The following NXNL2 variants were observed in gnomAD, a reference collection of about 807,000 sequenced individuals.
NXNL2 encodes nucleoredoxin like 2.
In NXNL2, 7 loss-of-function variants were observed where a neutral mutation model predicts 11.1. That is an observed-to-expected ratio of 0.63 (90% CI 0.36 to 1.18). NXNL2 has a LOEUF of 1.18. Among genes scored for constraint, NXNL2 ranks in the 50% most tolerant of loss-of-function variants. NXNL2 has a pLI of 0.02. For missense variants in NXNL2, 233 were observed against 217.7 expected (o/e 1.07, Z -0.44); for synonymous variants, 109 against 101.8 (o/e 1.07, Z -0.42).
chr9:88,549,142 C>T (rs907976770), downstream of NXNL2, among the ~76,000 whole-genome samples: 3 of 152,226 alleles, frequency 2.0e-5, no homozygotes, highest in Non-Finnish European at 2.9e-5. Flanking sequence ...CTGAACCCTC[C>T]ACTGGCTATC....
intron 2 of NXNL2, among the ~76,000 whole-genome samples, chr9:88,571,863 C>A (rs1830271102): frequency 6.6e-6 from 1 of 152,104 alleles, no homozygotes; most frequent in Non-Finnish European, 1.5e-5. Context: ...CCACCGGAGA[C>A]CTTCAGCCAG....
intron 1 of NXNL2, among the ~76,000 whole-genome samples, chr9:88,565,827 G>A (rs985787678): frequency 2.0e-5 from 3 of 152,102 alleles, no homozygotes; most frequent in East Asian, 1.9e-4. Context: ...ATGAGCCACC[G>A]TGCCCAGCCA....
At chr9:88,537,402 C>T (rs1288688788) in intron 1 of NXNL2, among the ~76,000 whole-genome samples, 1 of 152,198 alleles carries the variant, frequency 6.6e-6, no homozygotes, top group African/African-American at 2.4e-5. Flanking sequence ...TCTGGTCAAG[C>T]CTGTGAGCTC....
chr9:88,579,869 G>A (rs748839542), downstream of NXNL2, among the ~76,000 whole-genome samples: 4 of 152,094 alleles, frequency 2.6e-5, no homozygotes, highest in Non-Finnish European at 4.4e-5. Context: ...GGTGGCTCAC[G>A]CCTGTAATCC....
At chr9:88,551,525 C>T (rs1217066962) in intron 1 of NXNL2, among the ~76,000 whole-genome samples, 2 of 152,106 alleles carry the variant, frequency 1.3e-5, no homozygotes, top group African/African-American at 4.8e-5. Context: ...ATCTCTCTTT[C>T]ATGGCATTCT....
intron 1 of NXNL2, among the ~76,000 whole-genome samples, chr9:88,553,918 T>G (rs541014153): frequency 2.0e-5 from 3 of 152,344 alleles, no homozygotes; most frequent in Admixed American, 2.0e-4. Context: ...CTTATGTATG[T>G]GTTGTCATGA....
chr9:88,550,082 G>T (rs1223131697), intron 1 of NXNL2, among the ~76,000 whole-genome samples: 2 of 151,964 alleles, frequency 1.3e-5, no homozygotes. Flanking sequence ...CCTCCCAAAG[G>T]TCTGGGATTA....
intron 1 of NXNL2, among the ~76,000 whole-genome samples, chr9:88,551,710 G>A (rs866780080): frequency 1.3e-5 from 2 of 152,098 alleles, no homozygotes; most frequent in Middle Eastern, 3.2e-3. Context: ...AACATCAGTG[G>A]GGCTTGTTAA....
At chr9:88,545,008 C>G (rs748825029), downstream of NXNL2, 38 of 490,072 alleles carry the variant, frequency 7.8e-5, no homozygotes, top group Non-Finnish European at 9.8e-5. Context: ...TCATTCCATT[C>G]CAGGTGCCAG....
At chr9:88,553,113 C>G (rs1375259697) in intron 1 of NXNL2, among the ~76,000 whole-genome samples, 1 of 152,130 alleles carries the variant, frequency 6.6e-6, no homozygotes, top group Non-Finnish European at 1.5e-5. Context: ...AAAAAGCAAA[C>G]TCCAATTGTT....
Position 88,557,951 on chromosome 9 carries a change from G to A in NXNL2, c.303-13136G>A, listed in dbSNP as rs1830039574. On this transcript the variant is annotated intron_variant, in intron 1 of 2. Transcript: ENST00000375855. The stretch of plus-strand genomic sequence containing the variant: ...GCAGACATCACTGAGAACGTGTTCA[G>A]TGGGAATAGGATTGTGCCTCTGTGA... Among the ~76,000 whole-genome samples, 4 of 152,326 alleles carry A rather than the reference G, an allele frequency of 2.6e-5. No homozygotes were observed. The South Asian group carries it at 8.3e-4, about 32-fold the overall frequency.
chr9:88,537,705 G>C (rs574062276), intron 1 of NXNL2, among the ~76,000 whole-genome samples: 2 of 152,318 alleles, frequency 1.3e-5, no homozygotes, highest in African/African-American at 4.8e-5. Context: ...GCCATGCCTT[G>C]CTCCAACTCT....
At chr9:88,553,388 A>T (rs1411674) in intron 1 of NXNL2, among the ~76,000 whole-genome samples, 52,295 of 151,974 alleles carry the variant, frequency 0.34, 16,468 homozygotes, top group East Asian at 0.81. Flanking sequence ...CAAAAAACCC[A>T]TGCTTCTCCT....
downstream of NXNL2, among the ~76,000 whole-genome samples, chr9:88,546,548 T>C (rs556645900): frequency 8.6e-5 from 13 of 151,420 alleles, no homozygotes; most frequent in Non-Finnish European, 1.8e-4. Flanking sequence ...CCCGAGTAGC[T>C]GGGATTAGAG....
chr9:88,538,187 C>A (rs949766766), intron 1 of NXNL2, among the ~76,000 whole-genome samples: 2 of 152,088 alleles, frequency 1.3e-5, no homozygotes, highest in Non-Finnish European at 2.9e-5. Context: ...TTACATTTGT[C>A]CCCAGGCAGA....
In NXNL2 at chr9:88,540,331, T is replaced by TA. The variant is rs112693535; in HGVS notation, c.303-4032dup. Among the ~76,000 whole-genome samples, 481 of 139,020 alleles carry TA rather than the reference T, an allele frequency of 3.5e-3. 1 individual carries two copies. Among genetic ancestry groups the TA allele is most frequent in the South Asian group, 0.025 (105 of 4,242 alleles). The allele number at this position is 139,020 out of a possible 152,430, so 91.2% of individuals were successfully genotyped here. A position where few individuals can be genotyped will look rare whatever the true frequency, so the allele number is the denominator to read the frequency against. ...TGGGCGAAAGAGCGAGACTCCATCT[T>TA]AAAAAAAAAAAAAAAATAGGTGTTG... On this transcript the variant is annotated intron_variant, in intron 1 of 1. Transcript: ENST00000375854.
chr9:88,578,680 T>C (rs1313180380), downstream of NXNL2, among the ~76,000 whole-genome samples: 1 of 152,214 alleles, frequency 6.6e-6, no homozygotes. Context: ...GGTCATCTGC[T>C]AGGCAGCAGG....
At chr9:88,555,956 C>T (rs1195518862) in intron 1 of NXNL2, among the ~76,000 whole-genome samples, 6 of 152,170 alleles carry the variant, frequency 3.9e-5, no homozygotes, top group Non-Finnish European at 8.8e-5. Context: ...GGCATGGGCT[C>T]CATGAAAGGC....
chr9:88,560,610 A>C (rs1457812138), intron 1 of NXNL2, among the ~76,000 whole-genome samples: 1 of 152,206 alleles, frequency 6.6e-6, no homozygotes, highest in Non-Finnish European at 1.5e-5. Flanking sequence ...GTTCAAGAGC[A>C]AAGAAGACAC....
Sources: allele counts gnomAD v4.1 joint callset (sites outside exome capture counted in the v4.1 genomes callset), GRCh38; gene constraint gnomAD v4.1.1; transcripts MANE v1.5; gene names NCBI Gene and HGNC (gene_info 2026-07-23, HGNC 2026-07-21).